The following CELF3 variants were observed in gnomAD, a reference collection of about 807,000 sequenced individuals.
CELF3 encodes CAG repeat domain.
Under a neutral mutation model 59.6 loss-of-function variants are expected in CELF3, and 26 were observed. The observed-to-expected ratio is 0.44, with a 90% confidence interval of 0.32 to 0.61. The LOEUF is 0.61. Ranked by LOEUF, CELF3 falls within the 20% of genes least tolerant of loss-of-function variation. The pLI, the probability that CELF3 is intolerant of heterozygous loss-of-function variation, is 0.06. For synonymous variants in CELF3, 245 were observed against 250.7 expected (o/e 0.98, Z 0.22); for missense variants, 387 against 627.2 (o/e 0.62, Z 4.09).
Position 151,707,776 on chromosome 1 carries a change from CAG to C in CELF3, c.630+14_630+15del. Reference sequence around the variant, plus strand: ...GGGGTCAGGAGGGCTGGCCCGGCATCAGGGGCAGTGCTCACGGCCTGGGTGTA... The same window carrying C: ...GGGGTCAGGAGGGCTGGCCCGGCATCGGGCAGTGCTCACGGCCTGGGTGTA... On this transcript the variant is annotated intron_variant, in intron 6 of 12. Coordinates refer to ENST00000290583, the MANE Select transcript of CELF3 (RefSeq NM_007185.7). 6.2e-7 allele frequency: 1 copy of C among 1,608,906 alleles called. No individual in the cohort carries two copies. Among genetic ancestry groups the C allele is most frequent in the South Asian group, 1.1e-5 (1 of 90,990 alleles).
In CELF3 at chr1:151,705,596, G is replaced by A. The variant is rs1672439236; in HGVS notation, c.1270+226C>T. Among the ~76,000 whole-genome samples, 1 of 152,140 alleles carries A rather than the reference G, an allele frequency of 6.6e-6. No individual in the cohort carries two copies. Among genetic ancestry groups the A allele is most frequent in the African/African-American group, 2.4e-5 (1 of 41,434 alleles). ...ACCATAAGCCTATTTCAGACCTCATGGGACATGAATTTGGCCAGTTTTTAA... is the reference window on the plus strand; with the variant it reads ...ACCATAAGCCTATTTCAGACCTCATAGGACATGAATTTGGCCAGTTTTTAA... On this transcript the variant is annotated intron_variant, in intron 11 of 12. Transcript: ENST00000290583. This position sits in a 1 kb window ranked among gnomAD's most constrained non-coding sequence, Gnocchi z 5.1.
chr1:151,715,877 C>A lies in CELF3; in HGVS notation c.144G>T (p.Lys48Asn). The stretch of plus-strand genomic sequence containing the variant: ...TCTTCAGCCTGCCCGACCCCTCACC[C>A]TTGTGCAGCCCGGTGTACTTGTCCT... The part of the protein sequence containing the change: ...VIKDKYTGLH[K>N]GCAFLTYCAR... The change falls in exon 1 of 13, where the codon AAG becomes AAT. Residue 48 changes from lysine to asparagine, a missense_variant and splice_region_variant. Physicochemically the swap from Lys to Asn is moderately conservative, Grantham distance 94. This residue lies in a region of CELF3 where 208 missense variants were observed against 354.8 expected (regional missense o/e 0.59). Transcript: ENST00000290583. The A allele has an allele frequency of 6.2e-7, 1 of 1,612,972 alleles. No individual in the cohort carries two copies. The highest frequency in any genetic ancestry group is 8.5e-7 in the Non-Finnish European group (1 of 1,179,260).
intron 5 of CELF3, 113 bp from the exon 6 acceptor site, chr1:151,708,048 G>C: frequency 8.1e-7 from 1 of 1,234,562 alleles, no homozygotes. Context: ...GCCTCTCTGA[G>C]AGGGCGGCCA....
rs139771704 is a variant in CELF3, at chr1:151,707,098, T to C, written c.922+47A>G. The C allele has an allele frequency of 7.7e-6, 11 of 1,431,342 alleles. No homozygotes were observed. In the African/African-American group the frequency reaches 1.6e-4, roughly 21 times the overall value. 88.7% of individuals were successfully genotyped at this position (1,431,342 alleles called of 1,614,324 possible). Reference sequence around the variant, plus strand: ...TGTCCTGCCTCCCTAATGGGAGTGGTGGTTTAGATGGTTGCTGGGACGGAG... The same window carrying C: ...TGTCCTGCCTCCCTAATGGGAGTGGCGGTTTAGATGGTTGCTGGGACGGAG... On this transcript the variant is annotated intron_variant, in intron 8 of 12. Coordinates refer to ENST00000290583, the MANE Select transcript of CELF3 (RefSeq NM_007185.7).
intron 2 of CELF3, chr1:151,712,053 C>G (rs1378578862): frequency 1.3e-5 from 2 of 152,596 alleles, no homozygotes; most frequent in Admixed American, 1.3e-4. Flanking sequence ...GTGTCCCCTT[C>G]CCAGCCTCCT....
At chr1:151,714,933 GAGA>G (rs977416358) in intron 1 of CELF3, among the ~76,000 whole-genome samples, 14 of 151,946 alleles carry the variant, frequency 9.2e-5, no homozygotes, top group African/African-American at 3.4e-4. Flanking sequence ...TGTGTAGGGA[GAGA>G]AGGACCATGT....
At chr1:151,710,276 G>A in intron 2 of CELF3, 1 of 238,804 alleles carries the variant, frequency 4.2e-6, no homozygotes. Context: ...CTCTCTTTCT[G>A]CCCCCCTATA....
At position 151,706,713 on chromosome 1, in the gene CELF3, A is replaced by C; in HGVS notation, c.944T>G (p.Val315Gly). The C allele has an allele frequency of 6.4e-7, 1 of 1,550,788 alleles. No homozygotes were observed. Among genetic ancestry groups the C allele is most frequent in the Non-Finnish European group, 8.7e-7 (1 of 1,146,692 alleles). ...CGCGTAGGCCTGCTGCAGGGGGTCC[A>C]CGGGGGCCGCGGGGCTCTGGGCTGG... ...PYPAQSPAAP[V>G]DPLQQAYAGM... The change falls in exon 9 of 13, where the codon GTG (valine) becomes GGG (glycine). Residue 315 changes from valine (V) to glycine (G), a missense_variant. Physicochemically the swap from Val to Gly is moderately radical, Grantham distance 109. Coordinates refer to ENST00000290583, the MANE Select transcript of CELF3 (RefSeq NM_007185.7).
rs1283212104 is a variant in CELF3 at position 151,709,781 on chromosome 1, G to A, written c.239C>T (p.Pro80Leu). The change falls in exon 3 of 13, where the codon CCG (proline) becomes CTG (leucine). Residue 80 changes from proline to leucine, a missense_variant. Physicochemically the swap from Pro to Leu is moderately conservative, Grantham distance 98. This residue lies in a region of CELF3 where 208 missense variants were observed against 354.8 expected (regional missense o/e 0.59). Coordinates refer to ENST00000290583, the MANE Select transcript of CELF3 (RefSeq NM_007185.7). This position sits in a 1 kb window ranked among gnomAD's most constrained non-coding sequence, Gnocchi z 4.9. ...GCTGTCGGCTGGCTTGACCTGGATC[G>A]GCCTGTTCATCTGAAGGAGAGAAGA... ...EQKTLPGMNR[P>L]IQVKPADSES... 3 of 1,614,104 alleles carry A rather than the reference G, an allele frequency of 1.9e-6. No individual in the cohort carries two copies. Among genetic ancestry groups the A allele is most frequent in the Admixed American group, 1.7e-5 (1 of 60,020 alleles).
intron 1 of CELF3, 27 bp downstream of exon 1, chr1:151,715,849 G>A: frequency 6.3e-7 from 1 of 1,599,294 alleles, no homozygotes; most frequent in East Asian, 2.2e-5. Flanking sequence ...CCACCCCGAA[G>A]CCTCTTCAGC....
intron 10 of CELF3, 63 bp from the exon 11 acceptor site, chr1:151,706,028 A>G: frequency 1.2e-6 from 2 of 1,604,152 alleles, no homozygotes; most frequent in Non-Finnish European, 1.7e-6. Flanking sequence ...CCCAGAAGCA[A>G]ATGTCCCAGG....
At position 151,707,799 on chromosome 1, in the gene CELF3, G is replaced by T. The variant is rs1238304753; in HGVS notation, c.623C>A (p.Thr208Asn). 6.2e-7 allele frequency: 1 copy of T among 1,613,370 alleles called. No homozygotes were observed. Among genetic ancestry groups the T allele is most frequent in the Non-Finnish European group, 8.5e-7 (1 of 1,179,450 alleles). ...ATCAGGGGCAGTGCTCACGGCCTGG[G>T]TGTAGGCGCTGTAGGCTCCAAACTG... ...ALQFGAYSAY[T>N]QALMQQQAAL... is the part of the protein sequence containing the mutation. Residue 208 changes from threonine to asparagine, a missense_variant, in exon 6 of 13, where the codon ACC (threonine) becomes AAC (asparagine). Physicochemically the swap from Thr to Asn is moderately conservative, Grantham distance 65. This residue lies in a region of CELF3 where 208 missense variants were observed against 354.8 expected (regional missense o/e 0.59). Transcript: ENST00000290583.
chr1:151,704,876 C>T (rs1672383108), intron 12 of CELF3, among the ~76,000 whole-genome samples, 155 bp downstream of exon 12: 1 of 151,936 alleles, frequency 6.6e-6, no homozygotes, highest in Non-Finnish European at 1.5e-5. Context: ...GCTGAGGGAG[C>T]TGCCCCAGCC....
rs1039114206 is a variant in CELF3 at position 151,700,196 on chromosome 1, A to G, written c.*3263T>C. ...GCTTACAGGCTCACAGAAGAATGAG[A>G]CACTTACGCATGGCCATGATACACA... On this transcript the variant is annotated 3_prime_UTR_variant, in exon 13 of 13. Coordinates refer to ENST00000290583, the MANE Select transcript of CELF3 (RefSeq NM_007185.7). Among the ~76,000 whole-genome samples, 3 of 152,190 alleles carry G rather than the reference A, an allele frequency of 2.0e-5. No individual in the cohort carries two copies. The highest frequency in any genetic ancestry group is 7.2e-5 in the African/African-American group (3 of 41,428).
Position 151,700,481 on chromosome 1 carries a change from T to G in CELF3, c.*2978A>C, listed in dbSNP as rs990619764. Reference sequence around the variant, plus strand: ...CAATGAATAGTTCTATTTGGGTATGTGTAGGAATGAAGTGGAAAGTAAGGC... The same window carrying G: ...CAATGAATAGTTCTATTTGGGTATGGGTAGGAATGAAGTGGAAAGTAAGGC... On this transcript the variant is annotated 3_prime_UTR_variant, in exon 13 of 13. Coordinates refer to ENST00000290583, the MANE Select transcript of CELF3 (RefSeq NM_007185.7). 2.0e-4 allele frequency among the ~76,000 whole-genome samples: 31 copies of G among 152,272 alleles called. No individual in the cohort carries two copies. Among genetic ancestry groups the G allele is most frequent in the South Asian group, 1.5e-3 (7 of 4,814 alleles).
In CELF3 at chr1:151,705,742, T is replaced by C; in HGVS notation, c.1270+80A>G. 1 of 1,473,070 alleles carries C rather than the reference T, an allele frequency of 6.8e-7. No individual in the cohort carries two copies. Among genetic ancestry groups the C allele is most frequent in the Non-Finnish European group, 9.3e-7 (1 of 1,071,742 alleles). 91.2% of individuals were successfully genotyped at this position (1,473,070 alleles called of 1,614,324 possible). ...AGTATTTCAAATACTGGGTCCACTG[T>C]GACCATAAATGCCTTCAAATATATT... is the stretch of plus-strand genomic sequence containing the variant. On this transcript the variant is annotated intron_variant, in intron 11 of 12. Transcript: ENST00000290583. This position sits in a 1 kb window ranked among gnomAD's most constrained non-coding sequence, Gnocchi z 5.1.
chr1:151,707,015 G>T (rs192471806), intron 8 of CELF3, 130 bp downstream of exon 8: 3 of 1,141,260 alleles, frequency 2.6e-6, no homozygotes, highest in East Asian at 2.8e-5. Context: ...GATCATCCCC[G>T]CCCAGGATGG....
Position 151,715,697 on chromosome 1 carries a change from G to T in CELF3, c.145+179C>A, listed in dbSNP as rs533553282. The T allele has an allele frequency of 7.1e-6, 11 of 1,541,018 alleles. No individual in the cohort carries two copies. In the African/African-American group the frequency reaches 1.5e-4, roughly 21 times the overall value. On this transcript the variant is annotated intron_variant, in intron 1 of 12. Transcript: ENST00000290583. ...AAGAGGCCCTCCTTAGTCCTTCACC[G>T]GGGTTTCCTGATCACTCTAGCTGAG...
At chr1:151,704,804 G>A (rs918420812) in intron 12 of CELF3, among the ~76,000 whole-genome samples, 1 of 140,916 alleles carries the variant, frequency 7.1e-6, no homozygotes, top group Non-Finnish European at 1.5e-5. Flanking sequence ...CTGGGGTCAC[G>A]GAGGGTGTGT....
Sources: gnomAD v4.1 joint callset for allele counts (sites outside exome capture counted in the v4.1 genomes callset) on GRCh38, gnomAD v4.1.1 for gene constraint, gnomAD v4.1.1 regional missense constraint, Gnocchi (gnomAD v3.1) non-coding constraint, MANE v1.5 for transcripts, NCBI Gene and HGNC (gene_info 2026-07-23, HGNC 2026-07-21) for gene names.